The following NEFH variants were observed in gnomAD, a reference collection of about 807,000 sequenced individuals.
NEFH encodes the protein neurofilament heavy chain, also known as neurofilament heavy polypeptide.
NEFH carries 58 observed loss-of-function variants against 56.6 expected under a neutral mutation model. The ratio of observed to expected loss-of-function variants is 1.03; its 90% CI spans 0.83 to 1.28. The LOEUF is 1.28. NEFH is among the 50% of genes most tolerant of loss of function. The pLI, the probability that NEFH is intolerant of heterozygous loss-of-function variation, is 0.00. For synonymous variants in NEFH, 542 were observed against 545.8 expected, an observed-to-expected ratio of 0.99 and a Z score of 0.10; for missense variants, 1,221 against 1,307.6, an observed-to-expected ratio of 0.93 and a Z score of 1.02.
intron 1 of NEFH, among the ~76,000 whole-genome samples, chr22:29,482,745 T>A (rs1411212978): frequency 1.3e-5 from 2 of 152,178 alleles, no homozygotes; most frequent in Non-Finnish European, 2.9e-5. Context: ...TGCCAGGCCC[T>A]TGCTAGGGAG....
chr22:29,488,953 TGAAAAGCGAAGAGAAGA>T lies in NEFH; in HGVS notation c.1314_1330del (p.Lys439GlnfsTer7). 6.2e-7 allele frequency: 1 copy of T among 1,613,816 alleles called. No individual in the cohort carries two copies. The highest frequency in any genetic ancestry group is 8.5e-7 in the Non-Finnish European group (1 of 1,179,990). On this transcript the variant is annotated frameshift_variant, in exon 4 of 4. Coordinates refer to ENST00000310624, the MANE Select transcript of NEFH (RefSeq NM_021076.4). LOFTEE classifies it low-confidence loss of function (END_TRUNC). Reference sequence around the variant, plus strand: ...CCCTCTGTGTCCACTCACATAAAGGTGAAAAGCGAAGAGAAGATCAAAGTGGTGGAGAAGTCTGAGAA... The same window carrying T: ...CCCTCTGTGTCCACTCACATAAAGGTTCAAAGTGGTGGAGAAGTCTGAGAA...
intron 3 of NEFH, among the ~76,000 whole-genome samples, chr22:29,486,135 C>T (rs1602968153): frequency 6.6e-6 from 1 of 152,124 alleles, no homozygotes; most frequent in Non-Finnish European, 1.5e-5. Context: ...TCCCATGCCT[C>T]AGCCTCCTGA....
rs2063064925 is a variant in NEFH at position 29,489,526 on chromosome 22, C to T, written c.1886C>T (p.Pro629Leu). The stretch of plus-strand genomic sequence containing the variant: ...CCAGTGAAGGAAGAAGCAAAATCTC[C>T]AGCTGAGGTCAAGTCCCCGGAAAAG... The part of the protein sequence containing the change: ...KSPVKEEAKS[P>L]AEVKSPEKAK... Residue 629 changes from proline (P) to leucine (L), a missense_variant, in exon 4 of 4, where the codon CCA (proline) becomes CTA (leucine). By Grantham distance (98) the Pro-to-Leu change is moderately conservative (BLOSUM62 -3). Transcript: ENST00000310624. The T allele has an allele frequency of 6.2e-7, 1 of 1,613,052 alleles. No homozygotes were observed. Among genetic ancestry groups the T allele is most frequent in the African/African-American group, 1.3e-5 (1 of 74,580 alleles).
At chr22:29,481,245 A>C in intron 1 of NEFH, 100 bp downstream of exon 1, 4 of 1,188,170 alleles carry the variant, frequency 3.4e-6, no homozygotes, top group Non-Finnish European at 4.7e-6. Context: ...CTGCGCGTGG[A>C]GTGGCGCGCT....
chr22:29,483,276 C>CAA (rs144426244), intron 1 of NEFH, 99 bp from the exon 2 acceptor site: 13,314 of 921,256 alleles, frequency 0.014, no homozygotes, highest in Non-Finnish European at 0.017. Context: ...GAATCCGTCT[C>CAA]AAAAAAAAAA....
rs748378831 is a variant in NEFH, at chr22:29,480,417, G to C, written c.155G>C (p.Arg52Pro). 2 of 1,532,930 alleles carry C rather than the reference G, an allele frequency of 1.3e-6. No homozygotes were observed. The highest frequency in any genetic ancestry group is 1.2e-5 in the South Asian group (1 of 83,844). 95.0% of individuals were successfully genotyped at this position (1,532,930 alleles called of 1,614,324 possible). ...TCCAGCGGCTTCCACTCGTGGACAC[G>C]GACGTCCGTGAGCTCCGTGTCCGCC... ...GSSSGFHSWT[R>P]TSVSSVSASP... Residue 52 changes from arginine (R) to proline (P), a missense_variant, in exon 1 of 4, where the codon CGG becomes CCG. Physicochemically the swap from Arg to Pro is moderately radical, Grantham distance 103. Around this residue, in one of 4 missense-constraint regions of NEFH, gnomAD observed 640 missense variants for 555.5 expected, o/e 1.15. Transcript: ENST00000310624.
chr22:29,481,015 G>A lies in NEFH; in HGVS notation c.753G>A (p.Ala251=), dbSNP rs561046578. The change falls in exon 1 of 4, where the codon GCG becomes GCA. Residue 251 remains alanine, a synonymous_variant. Transcript: ENST00000310624. ...GCCAGATCCAGGGCTCCGGCGCCGC[G>A]CAGGCGCAGATGCAGGCCGAGACGC... The part of the protein sequence containing the change: ...LLGQIQGSGA[A]QAQMQAETRD... The A allele has an allele frequency of 1.0e-4, 160 of 1,531,652 alleles. 3 individuals are homozygous for A. The Admixed American group carries it at 3.1e-3, about 29-fold the overall frequency. 94.9% of individuals were successfully genotyped at this position (1,531,652 alleles called of 1,614,324 possible).
chr22:29,490,152 C>T lies in NEFH; in HGVS notation c.2512C>T (p.Pro838Ser), dbSNP rs370229372. Residue 838 changes from proline to serine, a missense_variant, in exon 4 of 4, where the codon CCC becomes TCC. Transcript: ENST00000310624. ...EKPQEVKVKE[P>S]PKKAEEEKAP... ...GCCCCAGGAGGTGAAAGTCAAAGAG[C>T]CCCCAAAGAAGGCAGAGGAAGAGAA... 1 of 1,613,492 alleles carries T rather than the reference C, an allele frequency of 6.2e-7. No homozygotes were observed. The highest frequency in any genetic ancestry group is 1.1e-5 in the South Asian group (1 of 90,998).
chr22:29,490,982 T>C lies in NEFH; in HGVS notation c.*279T>C, dbSNP rs1383233461. 2 of 543,144 alleles carry C rather than the reference T, an allele frequency of 3.7e-6. No homozygotes were observed. Among genetic ancestry groups the C allele is most frequent in the Non-Finnish European group, 6.5e-6 (2 of 308,520 alleles). The allele number at this position is 543,144 out of a possible 1,614,324, so 33.6% of individuals were successfully genotyped here. Reference sequence around the variant, plus strand: ...CATGCCGAATGCCACACGTAAACACTTGACTATAAAAACTGCCCCCCTCCT... The same window carrying C: ...CATGCCGAATGCCACACGTAAACACCTGACTATAAAAACTGCCCCCCTCCT... On this transcript the variant is annotated 3_prime_UTR_variant, in exon 4 of 4. Transcript: ENST00000310624.
rs1555951271 is a variant in NEFH, at chr22:29,489,856, C to T, written c.2216C>T (p.Pro739Leu). 6.3e-7 allele frequency: 1 copy of T among 1,583,946 alleles called. No individual in the cohort carries two copies. The highest frequency in any genetic ancestry group is 8.6e-7 in the Non-Finnish European group (1 of 1,163,252). ...AAGACCCCCGAGAAGGCCAAGTCCC[C>T]AGTGAAGGAAGAAGCTAAGTCCCCA... ...EAKTPEKAKSPVKEEAKSPEK... is the reference protein window; with the variant it reads ...EAKTPEKAKSLVKEEAKSPEK... The change falls in exon 4 of 4, where the codon CCA becomes CTA. Residue 739 changes from proline to leucine, a missense_variant. By Grantham distance (98) the Pro-to-Leu change is moderately conservative. Around this residue, in one of 4 missense-constraint regions of NEFH, gnomAD observed 301 missense variants for 346.6 expected, o/e 0.87. Coordinates refer to ENST00000310624, the MANE Select transcript of NEFH (RefSeq NM_021076.4).
intron 2 of NEFH, 107 bp downstream of exon 2, chr22:29,483,681 C>T (rs2063026516): frequency 1.8e-6 from 2 of 1,106,398 alleles, no homozygotes; most frequent in South Asian, 2.6e-5. Flanking sequence ...GATTGTGGCC[C>T]TTGGAGTCAG....
rs1347610479 is a variant in NEFH, at chr22:29,480,294, T to C, written c.32T>C (p.Leu11Pro). 1.3e-6 allele frequency: 2 copies of C among 1,508,104 alleles called. No individual in the cohort carries two copies. The highest frequency in any genetic ancestry group is 2.1e-4 in the Middle Eastern group (1 of 4,810). 93.4% of individuals were successfully genotyped at this position (1,508,104 alleles called of 1,614,324 possible). Residue 11 changes from leucine to proline, a missense_variant, in exon 1 of 4, where the codon CTG becomes CCG. This residue lies in a region of NEFH where 640 missense variants were observed against 555.5 expected (regional missense o/e 1.15). Transcript: ENST00000310624. MMSFGGADAL[L>P]GAPFAPLHGG... ...AGCTTCGGCGGCGCGGACGCGCTGC[T>C]GGGCGCCCCGTTCGCGCCGCTGCAT...
intron 2 of NEFH, 82 bp from the exon 3 acceptor site, chr22:29,485,641 G>A: frequency 6.5e-7 from 1 of 1,539,008 alleles, no homozygotes; most frequent in Non-Finnish European, 8.8e-7. Context: ...CTGCTCTGGG[G>A]TCGCACAGCC....
At chr22:29,485,656 G>T in intron 2 of NEFH, 67 bp from the exon 3 acceptor site, 1 of 1,574,562 alleles carries the variant, frequency 6.4e-7, no homozygotes. Context: ...ACAGCCCGCC[G>T]CAGCTTCTCT....
chr22:29,489,111 G>T lies in NEFH; in HGVS notation c.1471G>T (p.Glu491Ter), dbSNP rs756683785. The change falls in exon 4 of 4, where the codon GAA (glutamate) becomes TAA (stop). Residue 491 changes from glutamate (E) to a stop codon, truncating the protein, a stop_gained. Transcript: ENST00000310624. LOFTEE classifies it low-confidence loss of function (END_TRUNC). The stretch of plus-strand genomic sequence containing the variant: ...GGGCAAGGAGGAAGAAGGGGGTGAA[G>T]AAGAGGAGGCAGAAGGGGGAGAAGA... ...EEGKEEEGGE[E>*]EEAEGGEEET... 5.6e-6 allele frequency: 9 copies of T among 1,613,358 alleles called. No homozygotes were observed. Among genetic ancestry groups the T allele is most frequent in the South Asian group, 1.1e-5 (1 of 91,024 alleles).
chr22:29,480,827 G>T lies in NEFH; in HGVS notation c.565G>T (p.Ala189Ser). Reference sequence around the variant, plus strand: ...CGTGCGCCAGCGCCTAGACGACGAGGCCCGGCAGCGAGAGGAGGCCGAGGC... The same window carrying T: ...CGTGCGCCAGCGCCTAGACGACGAGTCCCGGCAGCGAGAGGAGGCCGAGGC... Reference protein sequence around the residue: ...AHVRQRLDDEARQREEAEAAA... With the variant: ...AHVRQRLDDESRQREEAEAAA... The change falls in exon 1 of 4, where the codon GCC becomes TCC. Residue 189 changes from alanine (A) to serine (S), a missense_variant. Transcript: ENST00000310624. 1 of 1,394,462 alleles carries T rather than the reference G, an allele frequency of 7.2e-7. No homozygotes were observed. The highest frequency in any genetic ancestry group is 9.2e-7 in the Non-Finnish European group (1 of 1,086,264). The allele number at this position is 1,394,462 out of a possible 1,614,324, so 86.4% of individuals were successfully genotyped here. A position where few individuals can be genotyped will look rare whatever the true frequency, so the allele number is the denominator to read the frequency against.
In NEFH at chr22:29,489,668, C is replaced by A. The variant is rs774737112; in HGVS notation, c.2028C>A (p.Ser676=). The A allele has an allele frequency of 2.5e-6, 4 of 1,606,804 alleles. No homozygotes were observed. Among genetic ancestry groups the A allele is most frequent in the African/African-American group, 1.4e-5 (1 of 72,368 alleles). The change falls in exon 4 of 4, where the codon TCC becomes TCA. Residue 676 remains serine, a synonymous_variant. Transcript: ENST00000310624. ...CCCCAGTGAAGGCAGAAGCAAAGTC[C>A]CCTGAGAAGGCCAAGTCCCCAGTGA... ...AKSPVKAEAK[S]PEKAKSPVKA...
rs1347201784 is a variant in NEFH at position 29,485,720 on chromosome 22, C to G, written c.1084-3C>G. On this transcript the variant is annotated splice_region_variant and splice_polypyrimidine_tract_variant and intron_variant, in intron 2 of 3. Coordinates refer to ENST00000310624, the MANE Select transcript of NEFH (RefSeq NM_021076.4). Reference sequence around the variant, plus strand: ...TGTGATGTGTGTCACCTCTCCTTCCCAGGAAGCCATTCAGCAGCTGGACGC... The same window carrying G: ...TGTGATGTGTGTCACCTCTCCTTCCGAGGAAGCCATTCAGCAGCTGGACGC... 3 of 1,613,768 alleles carry G rather than the reference C, an allele frequency of 1.9e-6. No homozygotes were observed. In the Admixed American group the frequency reaches 5.0e-5, roughly 27 times the overall value.
rs2063002683 is a variant in NEFH at position 29,480,934 on chromosome 22, G to A, written c.672G>A (p.Gln224=). Residue 224 remains glutamine, a synonymous_variant, in exon 1 of 4, where the codon CAG becomes CAA. Transcript: ENST00000310624. Reference sequence around the variant, plus strand: ...TGCAGAAGAAGGCGCAGGCGCTGCAGGAGGAGTGCGGCTACCTGCGGCGCC... The same window carrying A: ...TGCAGAAGAAGGCGCAGGCGCTGCAAGAGGAGTGCGGCTACCTGCGGCGCC... ...VDLQKKAQAL[Q]EECGYLRRHH... The A allele has an allele frequency of 3.9e-6, 6 of 1,528,644 alleles. No individual in the cohort carries two copies. Among genetic ancestry groups the A allele is most frequent in the Non-Finnish European group, 4.4e-6 (5 of 1,144,572 alleles). 94.7% of individuals were successfully genotyped at this position (1,528,644 alleles called of 1,614,324 possible).
Sources: allele counts gnomAD v4.1 joint callset (sites outside exome capture counted in the v4.1 genomes callset), GRCh38; gene constraint gnomAD v4.1.1; regional missense constraint gnomAD v4.1.1; transcripts MANE v1.5; gene names NCBI Gene and HGNC (gene_info 2026-07-23, HGNC 2026-07-21).